ACTN2: variants seen among roughly 807,000 people sequenced by gnomAD.
The protein encoded by ACTN2 is actinin alpha 2.
A neutral mutation model predicts 113.8 loss-of-function variants in ACTN2; 39 were observed. The ratio of observed to expected loss-of-function variants is 0.34; its 90% confidence interval spans 0.27 to 0.45. The LOEUF is 0.45. Ranked by LOEUF, ACTN2 falls within the 20% of genes least tolerant of loss-of-function variation. The pLI is 1.00. For synonymous variants in ACTN2, 429 were observed against 444.1 expected (o/e 0.97, Z 0.43); for missense variants, 992 against 1,177.9 (o/e 0.84, Z 2.31).
At chr1:236,720,268 T>A in intron 4 of ACTN2, 77 bp downstream of exon 4, 1 of 1,184,582 alleles carries the variant, frequency 8.4e-7, no homozygotes, top group Non-Finnish European at 1.3e-6. Flanking sequence ...CAAGATGTTT[T>A]AAAGTCCAAC....
Position 236,762,556 on chromosome 1 carries a change from T to C in ACTN2, c.2622T>C (p.Ser874=), listed in dbSNP as rs1335017065. The change falls in exon 21 of 21, where the codon AGT becomes AGC. Residue 874 remains serine (S), a synonymous_variant. Coordinates refer to ENST00000366578, the MANE Select transcript of ACTN2 (RefSeq NM_001103.4). ...KRMPAYSGPG[S]VPGALDYAAF... is the part of the protein sequence containing the mutation. ...TGCCCGCCTACTCGGGCCCAGGCAG[T>C]GTGCCTGGTGCACTGGATTACGCTG... The C allele has an allele frequency of 3.1e-6, 5 of 1,614,062 alleles. No homozygotes were observed. Among genetic ancestry groups the C allele is most frequent in the Middle Eastern group, 1.6e-4 (1 of 6,084 alleles).
rs1050644542 is a variant in ACTN2, at chr1:236,736,671, A to G, written c.784-451A>G. Reference sequence around the variant, plus strand: ...CTTCAGTGAATTCAAGTGCAATGGTATATCTGGATTTTCCTGCCCCAGTTA... The same window carrying G: ...CTTCAGTGAATTCAAGTGCAATGGTGTATCTGGATTTTCCTGCCCCAGTTA... On this transcript the variant is annotated intron_variant, in intron 8 of 20. Coordinates refer to ENST00000366578, the MANE Select transcript of ACTN2 (RefSeq NM_001103.4). The G allele has an allele frequency of 3.3e-6, 5 of 1,509,958 alleles. No individual in the cohort carries two copies. The South Asian group carries it at 3.6e-5, about 11-fold the overall frequency. The allele number at this position is 1,509,958 out of a possible 1,614,324, so 93.5% of individuals were successfully genotyped here. A position where few individuals can be genotyped will look rare whatever the true frequency, so the allele number is the denominator to read the frequency against.
chr1:236,706,902 C>T (rs1657839221), intron 1 of ACTN2, among the ~76,000 whole-genome samples: 1 of 152,162 alleles, frequency 6.6e-6, no homozygotes, highest in Non-Finnish European at 1.5e-5. Flanking sequence ...GTGAATAAGG[C>T]AGGATTAGAG....
At chr1:236,688,745 T>C (rs1032843911) in intron 1 of ACTN2, among the ~76,000 whole-genome samples, 1 of 152,192 alleles carries the variant, frequency 6.6e-6, no homozygotes, top group Non-Finnish European at 1.5e-5. Flanking sequence ...TAGACCCTGC[T>C]CAAGTCAGTA....
chr1:236,747,820 A>T, intron 13 of ACTN2, 45 bp downstream of exon 13: 1 of 1,431,250 alleles, frequency 7.0e-7, no homozygotes. Context: ...TTTTAATAGA[A>T]GCTCTTTAAT....
In ACTN2 at chr1:236,736,340, C is replaced by G. The variant is rs138434895; in HGVS notation, c.783+620C>G. On this transcript the variant is annotated intron_variant, in intron 8 of 20. Coordinates refer to ENST00000366578, the MANE Select transcript of ACTN2 (RefSeq NM_001103.4). ...GCGGAGTATGCATTATTTCAGTGAC[C>G]GCTGTGAAGCCCATCACTGGGAAAG... 6.6e-5 allele frequency among the ~76,000 whole-genome samples: 10 copies of G among 152,294 alleles called. No individual in the cohort carries two copies. In the East Asian group the frequency reaches 1.7e-3, roughly 26 times the overall value.
chr1:236,686,907 G>T (rs1665892031), intron 1 of ACTN2, 108 bp downstream of exon 1: 2 of 1,223,340 alleles, frequency 1.6e-6, no homozygotes, highest in South Asian at 2.6e-5. Context: ...GCGCTTTGTG[G>T]AGGTGCTGTG....
At chr1:236,752,260 A>G (rs1048573478) in intron 15 of ACTN2, among the ~76,000 whole-genome samples, 1 of 152,176 alleles carries the variant, frequency 6.6e-6, no homozygotes, top group Non-Finnish European at 1.5e-5. Context: ...TCAGTATGCC[A>G]ATCATAGTCT....
At chr1:236,728,290 T>C (rs977280086) in intron 6 of ACTN2, among the ~76,000 whole-genome samples, 3 of 152,044 alleles carry the variant, frequency 2.0e-5, no homozygotes, top group Admixed American at 6.6e-5. Context: ...ACTACAGGCA[T>C]CCGCCACCAC....
chr1:236,747,553 A>C, intron 12 of ACTN2, 114 bp from the exon 13 acceptor site: 1 of 894,416 alleles, frequency 1.1e-6, no homozygotes, highest in Non-Finnish European at 1.8e-6. Flanking sequence ...CCATGTGGAT[A>C]CATTTCAGAT....
chr1:236,753,227 CT>C (rs1659454726), intron 15 of ACTN2, among the ~76,000 whole-genome samples: 1 of 152,126 alleles, frequency 6.6e-6, no homozygotes, highest in Non-Finnish European at 1.5e-5. Context: ...TGTTTGTAAA[CT>C]TATAAAAATA....
At chr1:236,732,626 A>G (rs1334599893) in intron 7 of ACTN2, among the ~76,000 whole-genome samples, 1 of 151,746 alleles carries the variant, frequency 6.6e-6, no homozygotes, top group African/African-American at 2.4e-5. Flanking sequence ...TTTTTTTAGT[A>G]GAGACAGGGT....
chr1:236,700,055 C>T (rs1356432762), intron 1 of ACTN2, among the ~76,000 whole-genome samples: 2 of 152,210 alleles, frequency 1.3e-5, no homozygotes, highest in East Asian at 1.9e-4. Context: ...TGTACACCAC[C>T]CCCAGACCCC....
intron 1 of ACTN2, among the ~76,000 whole-genome samples, chr1:236,715,365 A>G (rs544539116): frequency 9.7e-4 from 137 of 141,490 alleles, no homozygotes; most frequent in African/African-American, 3.4e-3. Context: ...TACTCATTCA[A>G]AAAATAAATA....
chr1:236,707,477 T>A (rs976552735), intron 1 of ACTN2, among the ~76,000 whole-genome samples: 1 of 152,160 alleles, frequency 6.6e-6, no homozygotes, highest in African/African-American at 2.4e-5. Context: ...TCGCCCTACC[T>A]GAGTAAGATT....
In ACTN2 at chr1:236,745,389, G is replaced by A. The variant is rs533518931; in HGVS notation, c.1406+613G>A. 1.6e-4 allele frequency among the ~76,000 whole-genome samples: 24 copies of A among 152,164 alleles called. No homozygotes were observed. The South Asian group carries it at 2.5e-3, about 16-fold the overall frequency. On this transcript the variant is annotated intron_variant, in intron 12 of 20. Coordinates refer to ENST00000366578, the MANE Select transcript of ACTN2 (RefSeq NM_001103.4). The stretch of plus-strand genomic sequence containing the variant: ...GCGGAGCTTGCAGTGAGCCGAGATC[G>A]CGCCACTGCACTCCAGCCTGGGCGA...
At chr1:236,756,393 C>T (rs370518095) in intron 17 of ACTN2, among the ~76,000 whole-genome samples, 6 of 2,862 alleles carry the variant, frequency 2.1e-3, no homozygotes, top group African/African-American at 3.2e-3. Context: ...CCGCTGCCAC[C>T]GTTAGAACCC....
In ACTN2 at chr1:236,757,555, A is replaced by T. The variant is rs768771539; in HGVS notation, c.2224A>T (p.Ile742Phe). Residue 742 changes from isoleucine to phenylalanine, a missense_variant, in exon 18 of 21, where the codon ATC becomes TTC. By Grantham distance (21) the Ile-to-Phe change is conservative. Transcript: ENST00000366578. The stretch of plus-strand genomic sequence containing the variant: ...AACCATCAATGAGGTGGAGACTCAG[A>T]TCCTGACGAGAGATGCGAAGGGCAT... Reference protein sequence around the residue: ...ARTINEVETQILTRDAKGITQ... With the variant: ...ARTINEVETQFLTRDAKGITQ... The T allele has an allele frequency of 6.2e-7, 1 of 1,614,200 alleles. No homozygotes were observed. The highest frequency in any genetic ancestry group is 1.1e-5 in the South Asian group (1 of 91,082).
At chr1:236,711,733 A>G (rs1004943900) in intron 1 of ACTN2, among the ~76,000 whole-genome samples, 1 of 152,100 alleles carries the variant, frequency 6.6e-6, no homozygotes, top group Non-Finnish European at 1.5e-5. Context: ...TGGCTCTGAA[A>G]CTTTTTATGT....
Sources: allele counts gnomAD v4.1 joint callset (sites outside exome capture counted in the v4.1 genomes callset), GRCh38; gene constraint gnomAD v4.1.1; transcripts MANE v1.5; gene names NCBI Gene and HGNC (gene_info 2026-07-23, HGNC 2026-07-21).